Variants in BTRC observed in about 807,000 individuals in gnomAD.
The protein encoded by BTRC is F-box/WD repeat-containing protein 1A.
A neutral mutation model predicts 85.5 loss-of-function variants in BTRC; 42 were observed. The observed-to-expected ratio is 0.49, with a 90% CI of 0.38 to 0.64. The LOEUF is 0.64. Ranked by LOEUF, BTRC falls within the 30% of genes least tolerant of loss-of-function variation. The pLI is 0.00. For missense variants in BTRC, 594 were observed against 743.5 expected, an observed-to-expected ratio of 0.80 and a Z score of 2.34; for synonymous variants, 255 against 263.3, an observed-to-expected ratio of 0.97 and a Z score of 0.30.
At chr10:101,428,808 A>G (rs941143693) in intron 1 of BTRC, among the ~76,000 whole-genome samples, 5 of 152,128 alleles carry the variant, frequency 3.3e-5, no homozygotes, top group African/African-American at 7.2e-5. Flanking sequence ...TCTCCTTTGG[A>G]TTTATTTGCA....
At chr10:101,366,886 A>T (rs1942422852) in intron 1 of BTRC, among the ~76,000 whole-genome samples, 1 of 26,422 alleles carries the variant, frequency 3.8e-5, no homozygotes, top group Non-Finnish European at 8.5e-5. Flanking sequence ...ATTTATATAT[A>T]TTTATATATA....
intron 6 of BTRC, among the ~76,000 whole-genome samples, chr10:101,530,808 G>T (rs762839804): frequency 1.3e-5 from 2 of 152,158 alleles, no homozygotes; most frequent in Non-Finnish European, 2.9e-5. Context: ...TTGCTCCTCC[G>T]CAGACAGCTA....
intron 3 of BTRC, among the ~76,000 whole-genome samples, chr10:101,478,237 G>A (rs1019236196): frequency 4.6e-5 from 7 of 151,364 alleles, no homozygotes; most frequent in Admixed American, 1.3e-4. Flanking sequence ...GGAGGCGGAG[G>A]TTGTAGTGAG....
At chr10:101,435,964 T>C (rs1324544620) in intron 2 of BTRC, among the ~76,000 whole-genome samples, 1 of 152,166 alleles carries the variant, frequency 6.6e-6, no homozygotes, top group Non-Finnish European at 1.5e-5. Flanking sequence ...ATGGAGTCAT[T>C]GCTGAATTTG....
intron 1 of BTRC, among the ~76,000 whole-genome samples, chr10:101,373,049 A>G (rs939025106): frequency 3.9e-5 from 6 of 152,170 alleles, no homozygotes; most frequent in Non-Finnish European, 7.4e-5. Context: ...AGAGGTCTTT[A>G]TATATCTTTT....
At chr10:101,377,041 T>A (rs1480603147) in intron 1 of BTRC, among the ~76,000 whole-genome samples, 1 of 152,168 alleles carries the variant, frequency 6.6e-6, no homozygotes, top group Non-Finnish European at 1.5e-5. Context: ...ATAAGAACAA[T>A]TGTATCACTC....
At chr10:101,412,216 C>T (rs1389968878) in intron 1 of BTRC, among the ~76,000 whole-genome samples, 7 of 152,186 alleles carry the variant, frequency 4.6e-5, no homozygotes, top group Non-Finnish European at 1.0e-4. Context: ...GTATTTGGAA[C>T]CTTTTTCTAC....
intron 1 of BTRC, among the ~76,000 whole-genome samples, chr10:101,365,859 G>C (rs1305034498): frequency 6.6e-6 from 1 of 152,046 alleles, no homozygotes; most frequent in Non-Finnish European, 1.5e-5. Context: ...AGTATATTGA[G>C]TATATGCATT....
intron 4 of BTRC, among the ~76,000 whole-genome samples, chr10:101,504,385 A>T (rs9420842): frequency 6.6e-6 from 1 of 151,800 alleles, no homozygotes; most frequent in Non-Finnish European, 1.5e-5. Flanking sequence ...GCATTTGGTT[A>T]TATTCATTCT....
chr10:101,511,602 A>G (rs1363642259), intron 4 of BTRC, among the ~76,000 whole-genome samples: 1 of 151,898 alleles, frequency 6.6e-6, no homozygotes, highest in Non-Finnish European at 1.5e-5. Context: ...TGTTGCCCAG[A>G]CTGGAGTGCA....
At chr10:101,473,708 T>C (rs770618473) in intron 3 of BTRC, among the ~76,000 whole-genome samples, 2 of 151,942 alleles carry the variant, frequency 1.3e-5, no homozygotes, top group African/African-American at 2.4e-5. Context: ...TGACCTCAGG[T>C]GATCTGCCCG....
chr10:101,468,361 T>A (rs1024786449), intron 3 of BTRC, among the ~76,000 whole-genome samples: 2 of 151,972 alleles, frequency 1.3e-5, no homozygotes, highest in Non-Finnish European at 2.9e-5. Context: ...TTCATTTTGT[T>A]TTCAGTGCTT....
chr10:101,427,981 A>AT (rs1432118163), intron 1 of BTRC, among the ~76,000 whole-genome samples: 1 of 152,194 alleles, frequency 6.6e-6, no homozygotes, highest in Non-Finnish European at 1.5e-5. Flanking sequence ...GTAGAATGTG[A>AT]TTCTCAACAG....
intron 2 of BTRC, among the ~76,000 whole-genome samples, chr10:101,455,117 A>C (rs1945042304): frequency 6.6e-6 from 1 of 151,404 alleles, no homozygotes; most frequent in Admixed American, 6.6e-5. Flanking sequence ...GCTAGAGCAC[A>C]ATGGCATGAT....
chr10:101,357,339 G>A (rs1198774325), intron 1 of BTRC, among the ~76,000 whole-genome samples: 2 of 150,890 alleles, frequency 1.3e-5, no homozygotes, highest in Admixed American at 6.6e-5. Context: ...TACTCGGGAG[G>A]CTGAGGCAGT....
chr10:101,481,177 C>T (rs946978276), intron 4 of BTRC, among the ~76,000 whole-genome samples: 1 of 152,148 alleles, frequency 6.6e-6, no homozygotes, highest in Admixed American at 6.5e-5. Context: ...CTCCTGGCCT[C>T]GAGTAATCCT....
At chr10:101,451,451 CTA>C (rs1329384493) in intron 2 of BTRC, among the ~76,000 whole-genome samples, 1 of 152,186 alleles carries the variant, frequency 6.6e-6, no homozygotes, top group Non-Finnish European at 1.5e-5. Flanking sequence ...AGGCAGCCAT[CTA>C]TCTAGGGAGT....
At chr10:101,447,722 A>G (rs1944863160) in intron 2 of BTRC, among the ~76,000 whole-genome samples, 1 of 152,084 alleles carries the variant, frequency 6.6e-6, no homozygotes, top group Non-Finnish European at 1.5e-5. Flanking sequence ...ATAATAACAA[A>G]ATGCCATTGA....
At chr10:101,424,634 C>A (rs1214035994) in intron 1 of BTRC, among the ~76,000 whole-genome samples, 1 of 152,128 alleles carries the variant, frequency 6.6e-6, no homozygotes, top group African/African-American at 2.4e-5. Flanking sequence ...CCTTTGCCTG[C>A]AGGGCTATCA....
Sources: gnomAD v4.1 joint callset for allele counts (sites outside exome capture counted in the v4.1 genomes callset) on GRCh38, gnomAD v4.1.1 for gene constraint, MANE v1.5 for transcripts, NCBI Gene and HGNC (gene_info 2026-07-23, HGNC 2026-07-21) for gene names.